The following KHDRBS2 variants were observed in gnomAD, a reference collection of about 807,000 sequenced individuals.
KHDRBS2 encodes KH domain-containing, RNA-binding, signal transduction-associated protein 2.
Under a neutral mutation model 44.3 loss-of-function variants are expected in KHDRBS2, and 26 were observed. The ratio of observed to expected loss-of-function variants is 0.59; its 90% CI spans 0.43 to 0.81. The LOEUF (loss-of-function observed/expected upper bound fraction) is 0.81. KHDRBS2 is among the 40% of genes least tolerant of loss of function. The pLI is 0.00. For synonymous variants in KHDRBS2, 194 were observed against 151.1 expected (o/e 1.28, Z -2.08); for missense variants, 476 against 433.1 (o/e 1.10, Z -0.88).
intron 1 of KHDRBS2, among the ~76,000 whole-genome samples, chr6:62,195,118 T>A (rs1490721510): frequency 6.6e-6 from 1 of 152,204 alleles, no homozygotes. Context: ...CAAAGTTTTA[T>A]AATTTTCAGC....
At chr6:61,636,721 G>A in the KHDRBS2 span, among the ~76,000 whole-genome samples, 797 of 152,164 alleles carry the variant, frequency 5.2e-3, 48 homozygotes, top group East Asian at 0.12. Flanking sequence ...TGTCAGTAGT[G>A]TTGCTGTTGA....
chr6:61,707,517 A>T (rs1400218358), intron 7 of KHDRBS2, among the ~76,000 whole-genome samples: 1 of 151,984 alleles, frequency 6.6e-6, no homozygotes, highest in East Asian at 1.9e-4. Context: ...TACATTTTCC[A>T]TTCAAATGCT....
chr6:61,905,068 T>C (rs1804713906), intron 4 of KHDRBS2, among the ~76,000 whole-genome samples: 1 of 152,196 alleles, frequency 6.6e-6, no homozygotes, highest in African/African-American at 2.4e-5. Flanking sequence ...TGGTTAAACA[T>C]GAAACTGATT....
chr6:61,587,200 A>G, the KHDRBS2 span, among the ~76,000 whole-genome samples: 1 of 152,184 alleles, frequency 6.6e-6, no homozygotes, highest in Non-Finnish European at 1.5e-5. Flanking sequence ...TGGGCCTTAT[A>G]TCAACTAGAC....
intron 6 of KHDRBS2, among the ~76,000 whole-genome samples, chr6:61,795,860 A>G (rs1345833297): frequency 6.6e-6 from 1 of 152,140 alleles, no homozygotes; most frequent in Non-Finnish European, 1.5e-5. Flanking sequence ...TTTTTGCTGA[A>G]ATAATAAGAG....
At chr6:61,618,266 T>C in the KHDRBS2 span, among the ~76,000 whole-genome samples, 2 of 152,190 alleles carry the variant, frequency 1.3e-5, no homozygotes, top group Non-Finnish European at 2.9e-5. Flanking sequence ...CTTTTCATGA[T>C]GATCTAGTTA....
the KHDRBS2 span, among the ~76,000 whole-genome samples, chr6:61,607,309 A>G: frequency 1.1e-4 from 16 of 151,604 alleles, no homozygotes; most frequent in Non-Finnish European, 2.1e-4. Context: ...AATACATAAC[A>G]TGCTAATACT....
intron 3 of KHDRBS2, among the ~76,000 whole-genome samples, chr6:62,027,910 G>A (rs1047874146): frequency 2.0e-5 from 3 of 152,028 alleles, no homozygotes; most frequent in Non-Finnish European, 4.4e-5. Flanking sequence ...TTGTTTTCCT[G>A]AGTTCTGTGA....
chr6:61,650,592 A>G, the KHDRBS2 span, among the ~76,000 whole-genome samples: 1 of 123,040 alleles, frequency 8.1e-6, no homozygotes, highest in Non-Finnish European at 1.8e-5. Flanking sequence ...AGTCAAATAC[A>G]TGAAAAACTT....
chr6:62,234,652 T>C (rs1833419316), intron 1 of KHDRBS2, among the ~76,000 whole-genome samples: 1 of 152,096 alleles, frequency 6.6e-6, no homozygotes, highest in Non-Finnish European at 1.5e-5. Flanking sequence ...TTTGAGAGAA[T>C]AGGCCTTAAT....
intron 3 of KHDRBS2, among the ~76,000 whole-genome samples, chr6:62,026,361 T>C (rs938468358): frequency 4.6e-5 from 7 of 151,104 alleles, no homozygotes; most frequent in Admixed American, 6.6e-5. Flanking sequence ...TTACTGATCA[T>C]ATAAGGATTT....
chr6:61,998,356 T>G (rs1388269491), intron 3 of KHDRBS2, among the ~76,000 whole-genome samples: 5 of 152,166 alleles, frequency 3.3e-5, no homozygotes, highest in Non-Finnish European at 7.4e-5. Context: ...TGCTATTTCT[T>G]ACACTCCTGA....
the KHDRBS2 span, among the ~76,000 whole-genome samples, chr6:61,619,122 A>AT: frequency 0.024 from 3,716 of 152,120 alleles, 70 homozygotes; most frequent in Middle Eastern, 0.088. Context: ...TTAATTAAAA[A>AT]TTTTTTTTCA....
At chr6:62,228,613 A>C (rs929006905) in intron 1 of KHDRBS2, among the ~76,000 whole-genome samples, 1 of 151,456 alleles carries the variant, frequency 6.6e-6, no homozygotes, top group Non-Finnish European at 1.5e-5. Flanking sequence ...AGTTCTTTTA[A>C]TTGTGATATT....
chr6:61,634,585 T>G, the KHDRBS2 span, among the ~76,000 whole-genome samples: 1 of 152,084 alleles, frequency 6.6e-6, no homozygotes, highest in Non-Finnish European at 1.5e-5. Flanking sequence ...ACAGTTGATC[T>G]GTAACTATTA....
At chr6:62,274,816 T>C (rs1840656353) in intron 1 of KHDRBS2, among the ~76,000 whole-genome samples, 1 of 152,072 alleles carries the variant, frequency 6.6e-6, no homozygotes, top group Admixed American at 6.6e-5. Flanking sequence ...AAACTAAATG[T>C]AAATCTCAAA....
At chr6:61,773,421 T>C (rs1781345106) in intron 6 of KHDRBS2, among the ~76,000 whole-genome samples, 1 of 152,194 alleles carries the variant, frequency 6.6e-6, no homozygotes, top group Non-Finnish European at 1.5e-5. Context: ...ATGTGTTTTT[T>C]TGGCTGCATA....
downstream of KHDRBS2, among the ~76,000 whole-genome samples, chr6:61,675,096 C>G (rs931695695): frequency 2.6e-5 from 4 of 151,628 alleles, no homozygotes; most frequent in African/African-American, 9.7e-5. Context: ...TTATTATGAA[C>G]CACAGTCACC....
chr6:61,722,228 G>A (rs942629967), intron 7 of KHDRBS2, among the ~76,000 whole-genome samples: 3 of 152,110 alleles, frequency 2.0e-5, no homozygotes, highest in Admixed American at 2.0e-4. Context: ...AAGGATATTG[G>A]TCTAAAATTC....
Sources: gnomAD v4.1 joint callset for allele counts (sites outside exome capture counted in the v4.1 genomes callset) on GRCh38, gnomAD v4.1.1 for gene constraint, MANE v1.5 for transcripts, NCBI Gene and HGNC (gene_info 2026-07-23, HGNC 2026-07-21) for gene names.